The following RBFOX3 variants were observed in gnomAD, a reference collection of about 807,000 sequenced individuals.
The protein encoded by RBFOX3 is RNA binding protein fox-1 homolog 3.
A neutral mutation model predicts 48.7 loss-of-function variants in RBFOX3; 17 were observed. The ratio of observed to expected loss-of-function variants is 0.35; its 90% CI spans 0.24 to 0.52. The LOEUF (loss-of-function observed/expected upper bound fraction) is 0.52. RBFOX3 is among the 20% of genes least tolerant of loss of function. The pLI is 0.94. For missense variants in RBFOX3, 382 were observed against 497.5 expected (o/e 0.77, Z 2.21); for synonymous variants, 212 against 209.5 (o/e 1.01, Z -0.10).
chr17:79,470,354 T>TA (rs1326190435), intron 2 of RBFOX3, among the ~76,000 whole-genome samples: 1 of 152,066 alleles, frequency 6.6e-6, no homozygotes, highest in African/African-American at 2.4e-5. Flanking sequence ...CAACAGCAAA[T>TA]AAGACAGGCT....
chr17:79,437,031 A>G (rs180802928), intron 2 of RBFOX3, among the ~76,000 whole-genome samples: 1 of 152,270 alleles, frequency 6.6e-6, no homozygotes, highest in East Asian at 1.9e-4. Flanking sequence ...CTGAGGCTGA[A>G]TAATTTCAAT....
chr17:79,652,712 T>C, the RBFOX3 span, among the ~76,000 whole-genome samples: 1 of 145,074 alleles, frequency 6.9e-6, no homozygotes, highest in African/African-American at 2.5e-5. Flanking sequence ...TTGTTTTAAC[T>C]GAAGAGTTAG....
chr17:79,516,060 A>G (rs1599017597), intron 1 of RBFOX3: 1 of 152,312 alleles, frequency 6.6e-6, no homozygotes, highest in East Asian at 1.9e-4. Flanking sequence ...GAGAGAGGAG[A>G]GAGTCAGAGA....
At chr17:79,313,703 C>T (rs551341434) in intron 2 of RBFOX3, among the ~76,000 whole-genome samples, 1 of 152,316 alleles carries the variant, frequency 6.6e-6, no homozygotes, top group Admixed American at 6.5e-5. Flanking sequence ...CCTTCCCACC[C>T]CCAGATCCTT....
chr17:79,555,958 CAAT>C (rs1449521702), intron 1 of RBFOX3, among the ~76,000 whole-genome samples: 1 of 152,024 alleles, frequency 6.6e-6, no homozygotes, highest in Non-Finnish European at 1.5e-5. Flanking sequence ...CCAACTACAA[CAAT>C]GTCACCAAAA....
At chr17:79,281,893 G>A (rs574722473) in intron 3 of RBFOX3, among the ~76,000 whole-genome samples, 7 of 152,328 alleles carry the variant, frequency 4.6e-5, no homozygotes, top group Admixed American at 6.5e-5. Flanking sequence ...GCCATCATCG[G>A]GGAAACGAAC....
chr17:79,315,021 A>AT (rs1243891951), intron 2 of RBFOX3, among the ~76,000 whole-genome samples: 1 of 152,086 alleles, frequency 6.6e-6, no homozygotes. Flanking sequence ...TTCTCCAAAA[A>AT]TTTTTTGAGA....
At chr17:79,624,071 A>G in the RBFOX3 span, among the ~76,000 whole-genome samples, 1 of 152,166 alleles carries the variant, frequency 6.6e-6, no homozygotes, top group African/African-American at 2.4e-5. Flanking sequence ...TAGCCCAGAG[A>G]GGCCAGTGTC....
intron 8 of RBFOX3, among the ~76,000 whole-genome samples, chr17:79,102,165 G>A (rs576404751): frequency 2.6e-5 from 4 of 152,336 alleles, no homozygotes; most frequent in South Asian, 2.1e-4. Flanking sequence ...GGACGAGGCC[G>A]ACAGGGAGGG....
At chr17:79,428,416 C>T (rs545478455) in intron 2 of RBFOX3, among the ~76,000 whole-genome samples, 45 of 152,340 alleles carry the variant, frequency 3.0e-4, no homozygotes, top group African/African-American at 8.4e-4. Flanking sequence ...TCCAGGGACA[C>T]GGTATCAGGG....
chr17:79,483,273 C>A (rs1456736447), intron 1 of RBFOX3, among the ~76,000 whole-genome samples: 1 of 151,832 alleles, frequency 6.6e-6, no homozygotes, highest in Non-Finnish European at 1.5e-5. Flanking sequence ...GCCTTTGGGG[C>A]TCTCGGCAGT....
intron 2 of RBFOX3, among the ~76,000 whole-genome samples, chr17:79,448,043 G>A (rs934311693): frequency 1.3e-5 from 2 of 152,070 alleles, no homozygotes; most frequent in South Asian, 2.1e-4. Context: ...TTCACCTTCC[G>A]CCATGATTGG....
At chr17:79,114,598 C>T (rs11871267) in intron 5 of RBFOX3, among the ~76,000 whole-genome samples, 6 of 152,200 alleles carry the variant, frequency 3.9e-5, no homozygotes, top group Non-Finnish European at 7.4e-5. Flanking sequence ...CTGAGGCAGT[C>T]GGGAGGGGGA....
intron 3 of RBFOX3, among the ~76,000 whole-genome samples, chr17:79,306,679 C>T (rs918466691): frequency 6.6e-6 from 1 of 152,214 alleles, no homozygotes; most frequent in Non-Finnish European, 1.5e-5. Context: ...AAGGAAGGTG[C>T]CAGAAGGTCC....
chr17:79,525,286 C>A (rs879752965), intron 1 of RBFOX3, among the ~76,000 whole-genome samples: 27,654 of 152,046 alleles, frequency 0.18, 6,604 homozygotes, highest in African/African-American at 0.56. Context: ...AATGTCCCCC[C>A]GGGGCAAAAT....
intron 2 of RBFOX3, among the ~76,000 whole-genome samples, chr17:79,378,808 C>T (rs1197373721): frequency 2.0e-5 from 3 of 152,218 alleles, no homozygotes; most frequent in East Asian, 1.9e-4. Flanking sequence ...GCCTCGCCCC[C>T]GGAACCCTTT....
Position 79,392,911 on chromosome 17 carries a change from T to C in RBFOX3, c.-174-85087A>G, listed in dbSNP as rs891307976. On this transcript the variant is annotated intron_variant, in intron 2 of 14. Transcript: ENST00000693108. This position sits in a 1 kb window ranked among gnomAD's most constrained non-coding sequence, Gnocchi z 5.0. ...CCTTCTCATTTATCCTGACATGTAC[T>C]TACTAAATAGGAATATTTATCAGTT... Among the ~76,000 whole-genome samples, 8 of 152,330 alleles carry C rather than the reference T, an allele frequency of 5.3e-5. No homozygotes were observed. The South Asian group carries it at 1.7e-3, about 32-fold the overall frequency.
intron 3 of RBFOX3, among the ~76,000 whole-genome samples, chr17:79,266,941 G>A (rs1266295776): frequency 6.6e-6 from 1 of 152,148 alleles, no homozygotes; most frequent in African/African-American, 2.4e-5. Flanking sequence ...GGAATCATTT[G>A]CATGCCACTT....
intron 1 of RBFOX3, among the ~76,000 whole-genome samples, chr17:79,534,613 G>T (rs1469104830): frequency 6.6e-6 from 1 of 152,180 alleles, no homozygotes; most frequent in Non-Finnish European, 1.5e-5. Flanking sequence ...CCTGAAGCTT[G>T]GTAGCAAATC....
Sources: gnomAD v4.1 joint callset for allele counts (sites outside exome capture counted in the v4.1 genomes callset) on GRCh38, gnomAD v4.1.1 for gene constraint, Gnocchi (gnomAD v3.1) non-coding constraint, MANE v1.5 for transcripts, NCBI Gene and HGNC (gene_info 2026-07-23, HGNC 2026-07-21) for gene names.